Variants in PTPRG observed in about 807,000 individuals in gnomAD.
The protein encoded by PTPRG is receptor-type tyrosine-protein phosphatase gamma.
In PTPRG, 102 loss-of-function variants were observed where a neutral mutation model predicts 165.3. The observed-to-expected ratio is 0.62, with a 90% CI of 0.53 to 0.73. The LOEUF is 0.73. PTPRG is among the 30% of genes least tolerant of loss of function. The pLI is 0.00. For missense variants in PTPRG, 1,866 were observed against 1,861.4 expected (o/e 1.00, Z -0.05); for synonymous variants, 675 against 669.5 (o/e 1.01, Z -0.13).
chr3:61,868,919 A>G (rs560776803), intron 2 of PTPRG, among the ~76,000 whole-genome samples: 2 of 150,320 alleles, frequency 1.3e-5, no homozygotes, highest in African/African-American at 4.9e-5. Context: ...TTTTTTTTGA[A>G]GATTTTGGTA....
At chr3:62,054,535 G>T (rs1307926222) in intron 4 of PTPRG, among the ~76,000 whole-genome samples, 1 of 152,194 alleles carries the variant, frequency 6.6e-6, no homozygotes, top group Non-Finnish European at 1.5e-5. Flanking sequence ...AATCAGGAAA[G>T]TCAGTGGTTC....
intron 2 of PTPRG, among the ~76,000 whole-genome samples, chr3:61,890,848 A>T (rs2038194424): frequency 6.6e-6 from 1 of 152,238 alleles, no homozygotes; most frequent in African/African-American, 2.4e-5. Flanking sequence ...GAGAATGCGA[A>T]GCATTCTACA....
At chr3:61,703,632 G>A (rs1396436018) in intron 1 of PTPRG, among the ~76,000 whole-genome samples, 1 of 152,172 alleles carries the variant, frequency 6.6e-6, no homozygotes, top group Non-Finnish European at 1.5e-5. Flanking sequence ...AAAGTGGGGG[G>A]CATAGGATTG....
In PTPRG at chr3:62,234,938, C is replaced by T. The variant is rs1198051271; in HGVS notation, c.2375+3627C>T. Among the ~76,000 whole-genome samples, 4 of 150,178 alleles carry T rather than the reference C, an allele frequency of 2.7e-5. No individual in the cohort carries two copies. In the East Asian group the frequency reaches 7.8e-4, roughly 29 times the overall value. ...ATCGTGTGATGTCTGAATCTACTTC[C>T]CCCCCCCGAGATGGTCTCAAGTATT... On this transcript the variant is annotated intron_variant, in intron 14 of 29. Transcript: ENST00000474889.
chr3:62,018,808 T>C (rs1218885451), intron 4 of PTPRG, among the ~76,000 whole-genome samples: 13 of 152,142 alleles, frequency 8.5e-5, no homozygotes, highest in East Asian at 3.9e-4. Flanking sequence ...CCCACAGTTA[T>C]GGTATGGATC....
At chr3:61,920,340 ACTGAGT>A (rs1247931941) in intron 2 of PTPRG, among the ~76,000 whole-genome samples, 1,621 of 152,312 alleles carry the variant, frequency 0.011, 34 homozygotes, top group South Asian at 0.093. Flanking sequence ...ATGAGCATCT[ACTGAGT>A]GTTCGGATAG....
chr3:62,214,599 T>C lies in PTPRG; in HGVS notation c.2156-4252T>C, dbSNP rs1700452273. Among the ~76,000 whole-genome samples the C allele has an allele frequency of 6.6e-6, 1 of 152,150 alleles. No individual in the cohort carries two copies. The highest frequency in any genetic ancestry group is 2.4e-5 in the African/African-American group (1 of 41,448). Reference sequence around the variant, plus strand: ...GAAATCAGCCCTGCCTTTGGGGACCTAGAGTAACAAAAGAGCGATTATAAT... The same window carrying C: ...GAAATCAGCCCTGCCTTTGGGGACCCAGAGTAACAAAAGAGCGATTATAAT... On this transcript the variant is annotated intron_variant, in intron 12 of 29. Transcript: ENST00000474889. The surrounding 1 kb of genome is among the most constrained non-coding windows in gnomAD (Gnocchi z 5.2).
At position 62,157,089 on chromosome 3, in the gene PTPRG, T is replaced by C; in HGVS notation, c.705T>C (p.Pro235=). The C allele has an allele frequency of 6.2e-7, 1 of 1,608,938 alleles. No individual in the cohort carries two copies. The highest frequency in any genetic ancestry group is 1.3e-5 in the African/African-American group (1 of 74,932). ...CAGAGAAGGAGACCTTTCTGGATCCTTTCGTCCTCCGGGACCTCCTGCCTG... is the reference window on the plus strand; with the variant it reads ...CAGAGAAGGAGACCTTTCTGGATCCCTTCGTCCTCCGGGACCTCCTGCCTG... The part of the protein sequence containing the change: ...VHHEKETFLD[P]FVLRDLLPAS... Residue 235 remains proline (P), a synonymous_variant, in exon 7 of 30, where the codon CCT becomes CCC. Transcript: ENST00000474889.
chr3:61,681,876 G>A (rs899918408), intron 1 of PTPRG, among the ~76,000 whole-genome samples: 14 of 152,082 alleles, frequency 9.2e-5, no homozygotes, highest in South Asian at 4.1e-4. Flanking sequence ...GTGGCCGGGC[G>A]CAGTGGCTCA....
chr3:62,148,419 C>A (rs1378109376), intron 6 of PTPRG, among the ~76,000 whole-genome samples: 1 of 152,170 alleles, frequency 6.6e-6, no homozygotes, highest in South Asian at 2.1e-4. Context: ...CAAGAAGCCA[C>A]TGGAAGATTT....
chr3:61,870,268 C>T (rs1478751016), intron 2 of PTPRG, among the ~76,000 whole-genome samples: 2 of 151,326 alleles, frequency 1.3e-5, no homozygotes, highest in African/African-American at 4.9e-5. Context: ...TGGTACATAA[C>T]ATACTTTCCT....
At chr3:62,018,929 G>C (rs1203763412) in intron 4 of PTPRG, among the ~76,000 whole-genome samples, 1 of 152,192 alleles carries the variant, frequency 6.6e-6, no homozygotes, top group Non-Finnish European at 1.5e-5. Flanking sequence ...ATGGACAGTG[G>C]TGTGCAAATA....
intron 3 of PTPRG, among the ~76,000 whole-genome samples, chr3:62,001,684 C>T (rs7624017): frequency 0.098 from 14,855 of 151,638 alleles, 1,236 homozygotes; most frequent in African/African-American, 0.22. Flanking sequence ...GATAAGTTTC[C>T]CATTTTTACA....
chr3:61,774,940 C>T (rs961104201), intron 2 of PTPRG, among the ~76,000 whole-genome samples: 6 of 152,204 alleles, frequency 3.9e-5, no homozygotes, highest in African/African-American at 1.4e-4. Flanking sequence ...CCACTGTATC[C>T]ACTTCAAGTT....
intron 2 of PTPRG, among the ~76,000 whole-genome samples, chr3:61,887,080 G>T (rs1244851602): frequency 8.1e-6 from 1 of 123,688 alleles, no homozygotes; most frequent in Non-Finnish European, 1.7e-5. Flanking sequence ...TTCCACTTAA[G>T]CATTATCTCG....
intron 20 of PTPRG, 70 bp downstream of exon 20, chr3:62,269,239 C>G (rs961677713): frequency 1.4e-6 from 2 of 1,427,698 alleles, no homozygotes; most frequent in African/African-American, 2.9e-5. Context: ...ACTGTACAAC[C>G]AAGGCCAAAT....
At chr3:62,037,262 T>G (rs1699976741) in intron 4 of PTPRG, among the ~76,000 whole-genome samples, 1 of 152,182 alleles carries the variant, frequency 6.6e-6, no homozygotes, top group South Asian at 2.1e-4. Flanking sequence ...AACAAGTTAT[T>G]TTTATTGACA....
At chr3:61,762,855 C>T (rs564435577) in intron 2 of PTPRG, among the ~76,000 whole-genome samples, 1 of 152,082 alleles carries the variant, frequency 6.6e-6, no homozygotes, top group Admixed American at 6.6e-5. Context: ...CTTTAAGGTA[C>T]ACCCCATGTT....
At chr3:62,178,795 A>C (rs1705535976) in intron 8 of PTPRG, among the ~76,000 whole-genome samples, 1 of 152,226 alleles carries the variant, frequency 6.6e-6, no homozygotes, top group Non-Finnish European at 1.5e-5. Context: ...AGGCCAACTT[A>C]GCAACCCTAC....
Sources: gnomAD v4.1 joint callset for allele counts (sites outside exome capture counted in the v4.1 genomes callset) on GRCh38, gnomAD v4.1.1 for gene constraint, Gnocchi (gnomAD v3.1) non-coding constraint, MANE v1.5 for transcripts, NCBI Gene and HGNC (gene_info 2026-07-23, HGNC 2026-07-21) for gene names.